The following PSMA6 variants were observed in gnomAD, a reference collection of about 807,000 sequenced individuals.
PSMA6 encodes proteasome 20S subunit alpha 6.
For synonymous variants in PSMA6, 88 were observed against 97.7 expected, an observed-to-expected ratio of 0.90 and a Z score of 0.59; for missense variants, 170 against 294.8, an observed-to-expected ratio of 0.58 and a Z score of 3.10.
At chr14:35,301,488 CAG>C (rs1354443114) in intron 1 of PSMA6, among the ~76,000 whole-genome samples, 1 of 149,198 alleles carries the variant, frequency 6.7e-6, no homozygotes, top group African/African-American at 2.5e-5. Context: ...GCCTGAGTGA[CAG>C]AGTGAGACTC....
At chr14:35,314,483 A>T in intron 6 of PSMA6, 28 bp downstream of exon 6, 2 of 1,597,274 alleles carry the variant, frequency 1.3e-6, no homozygotes, top group South Asian at 1.1e-5. Context: ...CCACATGCAG[A>T]CTAGAAAGGT....
At chr14:35,305,142 G>A (rs1280037172) in intron 1 of PSMA6, among the ~76,000 whole-genome samples, 6 of 137,704 alleles carry the variant, frequency 4.4e-5, no homozygotes, top group Admixed American at 7.7e-5. Flanking sequence ...CTTTTCTTTT[G>A]TTTCTTTTTT....
intron 1 of PSMA6, among the ~76,000 whole-genome samples, chr14:35,303,202 T>C (rs1235055983): frequency 6.6e-6 from 1 of 152,244 alleles, no homozygotes; most frequent in East Asian, 1.9e-4. Flanking sequence ...AGGCAGTTAA[T>C]TTGGTTATTC....
chr14:35,299,716 G>A (rs1033944313), intron 1 of PSMA6, among the ~76,000 whole-genome samples: 2 of 152,130 alleles, frequency 1.3e-5, no homozygotes, highest in Admixed American at 1.3e-4. Context: ...TTCTTTAAAA[G>A]ATACTCTTTA....
rs184858294 is a variant in PSMA6, at chr14:35,282,676, T to G, written c.19+3958T>G. On this transcript the variant is annotated intron_variant, in intron 1 of 6. Transcript: ENST00000540871. ...GACCAGCCTGGGAAGCATGGTGAGA[T>G]TCCCCCCATCTCTACAAAAAAGACA... Among the ~76,000 whole-genome samples, 170 of 152,100 alleles carry G rather than the reference T, an allele frequency of 1.1e-3. 1 individual carries two copies. The highest frequency in any genetic ancestry group is 3.9e-3 in the African/African-American group (163 of 41,534).
chr14:35,303,345 A>G (rs899023419), intron 1 of PSMA6, among the ~76,000 whole-genome samples: 5 of 152,130 alleles, frequency 3.3e-5, no homozygotes, highest in Admixed American at 1.3e-4. Context: ...CAGTGTTTAT[A>G]TATAGAAGTT....
intron 4 of PSMA6, 65 bp from the exon 5 acceptor site, chr14:35,312,816 C>G: frequency 7.0e-7 from 1 of 1,420,960 alleles, no homozygotes; most frequent in Admixed American, 2.6e-5. Flanking sequence ...TGTGACACCA[C>G]CAAGAAAGAG....
chr14:35,311,755 G>T (rs1298310035), intron 4 of PSMA6, among the ~76,000 whole-genome samples: 1 of 152,054 alleles, frequency 6.6e-6, no homozygotes, highest in Non-Finnish European at 1.5e-5. Context: ...TAGTAACAAA[G>T]TTACATGTAT....
At chr14:35,279,835 A>G (rs1008092886) in intron 1 of PSMA6, among the ~76,000 whole-genome samples, 2 of 152,240 alleles carry the variant, frequency 1.3e-5, no homozygotes, top group Admixed American at 1.3e-4. Context: ...ATAAGAATGT[A>G]CTTTTCGGGC....
At chr14:35,290,032 A>G (rs1007621413), upstream of PSMA6, among the ~76,000 whole-genome samples, 9 of 152,176 alleles carry the variant, frequency 5.9e-5, no homozygotes, top group African/African-American at 2.2e-4. Flanking sequence ...GACTTGGAAA[A>G]TGTGGTACAA....
rs1480260114 is a variant in PSMA6, at chr14:35,294,737, C to G, written c.76+2185C>G. Among the ~76,000 whole-genome samples the G allele has an allele frequency of 5.3e-5, 8 of 151,902 alleles. No homozygotes were observed. The South Asian group carries it at 1.7e-3, about 32-fold the overall frequency. ...TTTTTGGTCTATTAGATTAGTAGCT[C>G]TGTATGGAATATTTCCCTTTTTATG... On this transcript the variant is annotated intron_variant, in intron 1 of 6. Coordinates refer to ENST00000261479, the MANE Select transcript of PSMA6 (RefSeq NM_002791.3).
At chr14:35,310,183 C>T (rs2051914771) in intron 3 of PSMA6, 1 of 380,694 alleles carries the variant, frequency 2.6e-6, no homozygotes. Flanking sequence ...ATTATTCTCT[C>T]TCAAGGCCTT....
chr14:35,285,358 A>AAAAC (rs1555335403), intron 1 of PSMA6, among the ~76,000 whole-genome samples: 3 of 150,382 alleles, frequency 2.0e-5, no homozygotes, highest in Non-Finnish European at 4.4e-5. Context: ...CAAAAAACAA[A>AAAAC]AAAAAAAACC....
At chr14:35,302,017 G>T (rs2051723475) in intron 1 of PSMA6, among the ~76,000 whole-genome samples, 1 of 151,872 alleles carries the variant, frequency 6.6e-6, no homozygotes, top group African/African-American at 2.4e-5. Context: ...TGCTATGTGG[G>T]ATTGAAGATC....
chr14:35,282,611 G>C (rs941563643), intron 1 of PSMA6, among the ~76,000 whole-genome samples: 1 of 152,044 alleles, frequency 6.6e-6, no homozygotes, highest in Non-Finnish European at 1.5e-5. Flanking sequence ...TGCACTTTGG[G>C]AGGTCAAGGC....
Position 35,310,723 on chromosome 14 carries a change from G to T in PSMA6, c.254-17G>T. On this transcript the variant is annotated splice_polypyrimidine_tract_variant and intron_variant, in intron 3 of 6. Transcript: ENST00000261479. ...TTTCCTTCTAACCAGGTAAATCTTT[G>T]TTTTTTATGCTATAAGCTGACAGCA... The T allele has an allele frequency of 6.2e-7, 1 of 1,610,852 alleles. No individual in the cohort carries two copies. Among genetic ancestry groups the T allele is most frequent in the Non-Finnish European group, 8.5e-7 (1 of 1,179,514 alleles).
chr14:35,286,568 GTTA>G (rs202032290), intron 1 of PSMA6, among the ~76,000 whole-genome samples: 1,785 of 152,316 alleles, frequency 0.012, 22 homozygotes, highest in Middle Eastern at 0.065. Flanking sequence ...TAATACTGAA[GTTA>G]TTATAGCTAA....
At position 35,308,273 on chromosome 14, in the gene PSMA6, TAGTC is replaced by T. The variant is rs751937294; in HGVS notation, c.171+188_171+191del. ...CCTGTCTCTATTAAAAATACAAAATTAGTCAGGCGTGGTGGCACATGCCTGTAAT... is the reference window on the plus strand; with the variant it reads ...CCTGTCTCTATTAAAAATACAAAATTAGGCGTGGTGGCACATGCCTGTAAT... On this transcript the variant is annotated intron_variant, in intron 2 of 6. Transcript: ENST00000261479. 2.2e-5 allele frequency: 13 copies of T among 581,712 alleles called. No homozygotes were observed. In the East Asian group the frequency reaches 3.9e-4, roughly 17 times the overall value. 36.0% of individuals were successfully genotyped at this position (581,712 alleles called of 1,614,324 possible). A position where few individuals can be genotyped will look rare whatever the true frequency, so the allele number is the denominator to read the frequency against.
rs1176819895 is a variant in PSMA6, at chr14:35,308,917, A to C, written c.175A>C (p.Lys59Gln). Residue 59 changes from lysine (K) to glutamine (Q), a missense_variant, in exon 3 of 7, where the codon AAA becomes CAA. Coordinates refer to ENST00000261479, the MANE Select transcript of PSMA6 (RefSeq NM_002791.3). ...VIVTQKKVPD[K>Q]LLDSSTVTHL... The stretch of plus-strand genomic sequence containing the variant: ...CTTTGTTTATTTTGTTTATTAGGAC[A>C]AATTATTGGATTCCAGCACAGTGAC... 2.4e-5 allele frequency: 38 copies of C among 1,598,726 alleles called. No individual in the cohort carries two copies. Among genetic ancestry groups the C allele is most frequent in the Non-Finnish European group, 3.2e-5 (37 of 1,170,084 alleles).
Sources: allele counts gnomAD v4.1 joint callset (sites outside exome capture counted in the v4.1 genomes callset), GRCh38; gene constraint gnomAD v4.1.1; transcripts MANE v1.5; gene names NCBI Gene and HGNC (gene_info 2026-07-23, HGNC 2026-07-21).